RALGPS1: variants seen among roughly 807,000 people sequenced by gnomAD.
RALGPS1 encodes the protein Ral GEF with PH domain and SH3 binding motif 1, also known as ras-specific guanine nucleotide-releasing factor RalGPS1.
RALGPS1 carries 19 observed loss-of-function variants against 78.8 expected under a neutral mutation model. That is an observed-to-expected ratio of 0.24 (90% CI 0.17 to 0.35). The LOEUF (loss-of-function observed/expected upper bound fraction) is 0.35, where lower values mean the gene tolerates loss of function less well. Ranked by LOEUF, RALGPS1 falls within the 10% of genes least tolerant of loss-of-function variation. The pLI, the probability that RALGPS1 is intolerant of heterozygous loss-of-function variation, is 1.00. For synonymous variants in RALGPS1, 228 were observed against 256.3 expected (o/e 0.89, Z 1.06); for missense variants, 454 against 688.3 (o/e 0.66, Z 3.81).
chr9:127,151,362 A>T (rs926820292), intron 8 of RALGPS1, among the ~76,000 whole-genome samples: 4 of 152,184 alleles, frequency 2.6e-5, no homozygotes, highest in Non-Finnish European at 4.4e-5. Flanking sequence ...TACCATAATT[A>T]CTAAGGGAAA....
In RALGPS1 at chr9:127,211,560, G is replaced by A. The variant is rs1033874549; in HGVS notation, c.1248-571G>A. Among the ~76,000 whole-genome samples, 2 of 152,170 alleles carry A rather than the reference G, an allele frequency of 1.3e-5. No individual in the cohort carries two copies. The highest frequency in any genetic ancestry group is 4.8e-5 in the African/African-American group (2 of 41,434). On this transcript the variant is annotated intron_variant, in intron 14 of 18. Coordinates refer to ENST00000259351, the MANE Select transcript of RALGPS1 (RefSeq NM_014636.3). The surrounding 1 kb of genome is among the most constrained non-coding windows in gnomAD (Gnocchi z 5.0). ...GGCAGATCCGGAGCTCAGGAGGGAG[G>A]TGTGGGCTGCCATGCCCTTGGACGC...
At chr9:127,130,540 T>C (rs917641579) in intron 8 of RALGPS1, among the ~76,000 whole-genome samples, 1 of 152,234 alleles carries the variant, frequency 6.6e-6, no homozygotes, top group African/African-American at 2.4e-5. Context: ...GAAGTATTTC[T>C]CTGCCTTTTC....
At chr9:127,104,622 T>G (rs2054040840) in intron 8 of RALGPS1, among the ~76,000 whole-genome samples, 1 of 152,192 alleles carries the variant, frequency 6.6e-6, no homozygotes, top group Non-Finnish European at 1.5e-5. Context: ...AGGCTCTCAG[T>G]AGGCCATCCT....
At chr9:126,951,109 C>G (rs980700868) in intron 1 of RALGPS1, among the ~76,000 whole-genome samples, 2 of 151,912 alleles carry the variant, frequency 1.3e-5, no homozygotes, top group African/African-American at 4.8e-5. Flanking sequence ...TCTCCCAAGT[C>G]TAAACCAGGA....
At chr9:127,096,563 A>T (rs2053163320) in intron 8 of RALGPS1, among the ~76,000 whole-genome samples, 1 of 152,220 alleles carries the variant, frequency 6.6e-6, no homozygotes, top group African/African-American at 2.4e-5. Context: ...TCGTGGCTCC[A>T]GCTGGGGCTG....
chr9:127,021,103 T>C (rs2045395715), intron 4 of RALGPS1, among the ~76,000 whole-genome samples: 1 of 152,220 alleles, frequency 6.6e-6, no homozygotes, highest in Admixed American at 6.5e-5. Context: ...TTAAATTTTC[T>C]TCATTGGAGG....
At chr9:126,918,827 C>A (rs1000078808) in intron 1 of RALGPS1, among the ~76,000 whole-genome samples, 1 of 152,058 alleles carries the variant, frequency 6.6e-6, no homozygotes, top group African/African-American at 2.4e-5. Flanking sequence ...CATGCCCCAC[C>A]ACGCCTGGCT....
intron 12 of RALGPS1, among the ~76,000 whole-genome samples, 191 bp from the exon 13 acceptor site, chr9:127,196,281 CTG>C (rs1251670474): frequency 6.6e-6 from 1 of 152,206 alleles, no homozygotes; most frequent in Admixed American, 6.5e-5. Context: ...GATGGAGAAA[CTG>C]AGGCTCAGAG....
At chr9:126,987,629 G>A (rs544026200) in intron 4 of RALGPS1, among the ~76,000 whole-genome samples, 17 of 152,224 alleles carry the variant, frequency 1.1e-4, no homozygotes, top group Non-Finnish European at 2.4e-4. Flanking sequence ...GAACTGCAGT[G>A]GGTACCAATT....
intron 8 of RALGPS1, among the ~76,000 whole-genome samples, chr9:127,153,375 CTTTTTTTTTTTTTTTTT>C (rs60308901): frequency 9.8e-6 from 1 of 102,116 alleles, no homozygotes; most frequent in Non-Finnish European, 2.0e-5. Context: ...TAGAGGATTA[CTTTTTTTTTTTTTTTTT>C]TTTTTTTAGC....
intron 1 of RALGPS1, among the ~76,000 whole-genome samples, chr9:126,926,247 G>A (rs965815505): frequency 1.3e-5 from 2 of 152,198 alleles, no homozygotes; most frequent in African/African-American, 4.8e-5. Flanking sequence ...TACTAAGCAT[G>A]TAATAGGGCT....
Position 126,933,120 on chromosome 9 carries a change from A to G in RALGPS1, c.-66+18145A>G, listed in dbSNP as rs1158185817. Among the ~76,000 whole-genome samples the G allele has an allele frequency of 3.3e-5, 5 of 152,276 alleles. No individual in the cohort carries two copies. In the East Asian group the frequency reaches 7.7e-4, roughly 24 times the overall value. ...GAAGCTTGGTGAGAGGACAAAAGGA[A>G]GGCGGCGCTGGTGTGGCATCCAAAC... On this transcript the variant is annotated intron_variant, in intron 1 of 18. Transcript: ENST00000259351.
intron 11 of RALGPS1, chr9:127,184,465 T>C (rs1418142718): frequency 1.4e-5 from 3 of 211,384 alleles, no homozygotes; most frequent in Non-Finnish European, 2.9e-5. Context: ...GGCTCCACTG[T>C]GAAACCTGGC....
At chr9:127,058,951 T>A (rs1270124162) in intron 7 of RALGPS1, among the ~76,000 whole-genome samples, 2 of 152,166 alleles carry the variant, frequency 1.3e-5, no homozygotes, top group East Asian at 3.8e-4. Context: ...TCATAGCTGA[T>A]GGGTCAGGAG....
At chr9:127,012,416 C>T (rs1347656961) in intron 4 of RALGPS1, among the ~76,000 whole-genome samples, 1 of 152,194 alleles carries the variant, frequency 6.6e-6, no homozygotes, top group Non-Finnish European at 1.5e-5. Context: ...AGAGAGCAGC[C>T]CTGTGTCTCG....
intron 6 of RALGPS1, 40 bp downstream of exon 6, chr9:127,050,172 C>G (rs775506052): frequency 6.8e-7 from 1 of 1,460,832 alleles, no homozygotes; most frequent in Non-Finnish European, 9.6e-7. Context: ...TTTCCCTCTT[C>G]TCTCCCACAC....
Position 127,218,777 on chromosome 9 carries a change from C to T in RALGPS1, c.*8C>T. 1 of 1,613,612 alleles carries T rather than the reference C, an allele frequency of 6.2e-7. No individual in the cohort carries two copies. The highest frequency in any genetic ancestry group is 8.5e-7 in the Non-Finnish European group (1 of 1,179,476). ...CTTATGTCATTTGAGTAAGTCTCTG[C>T]AGGACGTGGCATGACTTCAGAGGCT... On this transcript the variant is annotated 3_prime_UTR_variant, in exon 19 of 19. Coordinates refer to ENST00000259351, the MANE Select transcript of RALGPS1 (RefSeq NM_014636.3). The surrounding 1 kb of genome is among the most constrained non-coding windows in gnomAD (Gnocchi z 4.4).
At chr9:126,979,554 C>T (rs1588794254) in intron 4 of RALGPS1, among the ~76,000 whole-genome samples, 1 of 152,168 alleles carries the variant, frequency 6.6e-6, no homozygotes, top group South Asian at 2.1e-4. Context: ...ATCCGAACAT[C>T]AAGGAGGGCA....
intron 4 of RALGPS1, among the ~76,000 whole-genome samples, chr9:127,015,951 C>T (rs2044777580): frequency 6.6e-6 from 1 of 152,124 alleles, no homozygotes; most frequent in Admixed American, 6.6e-5. Context: ...CCCTTCTCCT[C>T]CTTTTTTCTT....
Sources: gnomAD v4.1 joint callset for allele counts (sites outside exome capture counted in the v4.1 genomes callset) on GRCh38, gnomAD v4.1.1 for gene constraint, Gnocchi (gnomAD v3.1) non-coding constraint, MANE v1.5 for transcripts, NCBI Gene and HGNC (gene_info 2026-07-23, HGNC 2026-07-21) for gene names.